The following CLASP1 variants were observed in gnomAD, a reference collection of about 807,000 sequenced individuals.
The protein encoded by CLASP1 is CLIP-associating protein 1.
A neutral mutation model predicts 192.3 loss-of-function variants in CLASP1; 38 were observed. That is an observed-to-expected ratio of 0.20 (90% confidence interval 0.15 to 0.26). The LOEUF (loss-of-function observed/expected upper bound fraction) is 0.26. Ranked by LOEUF, CLASP1 falls within the 10% of genes least tolerant of loss-of-function variation. The pLI, the probability that CLASP1 is intolerant of heterozygous loss-of-function variation, is 1.00. For missense variants in CLASP1, 1,433 were observed against 1,932.5 expected, an observed-to-expected ratio of 0.74 and a Z score of 4.85; for synonymous variants, 691 against 712.8, an observed-to-expected ratio of 0.97 and a Z score of 0.49.
intron 8 of CLASP1, among the ~76,000 whole-genome samples, chr2:121,486,504 C>T (rs950265875): frequency 2.0e-5 from 3 of 152,054 alleles, no homozygotes; most frequent in African/African-American, 4.8e-5. Flanking sequence ...TTTTACCTTC[C>T]AACTTGCCCT....
intron 8 of CLASP1, among the ~76,000 whole-genome samples, chr2:121,490,590 AAG>A (rs1296920544): frequency 1.3e-5 from 2 of 152,210 alleles, no homozygotes; most frequent in Non-Finnish European, 2.9e-5. Context: ...CCTCAAGAAA[AAG>A]AATATTCCTA....
chr2:121,529,970 G>A (rs2104735641), intron 3 of CLASP1, among the ~76,000 whole-genome samples: 1 of 152,318 alleles, frequency 6.6e-6, no homozygotes, highest in Non-Finnish European at 1.5e-5. Flanking sequence ...AGTGAAGCCA[G>A]TACAAAGGTA....
intron 19 of CLASP1, among the ~76,000 whole-genome samples, chr2:121,435,436 G>A (rs890105862): frequency 2.6e-5 from 4 of 152,058 alleles, no homozygotes; most frequent in Non-Finnish European, 5.9e-5. Context: ...CACCACGACC[G>A]GCTAATTTTG....
chr2:121,580,358 A>G (rs770471169), intron 2 of CLASP1, among the ~76,000 whole-genome samples: 10 of 152,234 alleles, frequency 6.6e-5, no homozygotes, highest in Non-Finnish European at 1.3e-4. Flanking sequence ...TTGTAGAAGA[A>G]AATTTTAAAA....
intron 33 of CLASP1, among the ~76,000 whole-genome samples, chr2:121,379,058 G>A (rs2070977911): frequency 6.6e-6 from 1 of 151,714 alleles, no homozygotes; most frequent in Admixed American, 6.6e-5. Flanking sequence ...CTGGCTTGAT[G>A]TAGCAATGAT....
chr2:121,616,403 C>T (rs1477843791), intron 1 of CLASP1, among the ~76,000 whole-genome samples: 2 of 152,002 alleles, frequency 1.3e-5, no homozygotes, highest in African/African-American at 4.8e-5. Context: ...GCAGAGATTG[C>T]ACCATTGCAC....
At chr2:121,649,051 G>T (rs1233919944) in intron 1 of CLASP1, among the ~76,000 whole-genome samples, 5 of 152,188 alleles carry the variant, frequency 3.3e-5, no homozygotes, top group African/African-American at 9.7e-5. Context: ...GGAGACTCGG[G>T]TTAGGAAGGG....
chr2:121,377,736 G>A (rs2070592545), intron 33 of CLASP1, 87 bp from the exon 35 acceptor site: 1 of 912,780 alleles, frequency 1.1e-6, no homozygotes, highest in Middle Eastern at 3.4e-4. Flanking sequence ...ACAATTTAAA[G>A]AATAAGACAT....
At chr2:121,412,319 G>A (rs1014072698) in intron 23 of CLASP1, among the ~76,000 whole-genome samples, 1 of 151,934 alleles carries the variant, frequency 6.6e-6, no homozygotes, top group African/African-American at 2.4e-5. Context: ...CTTTCCAACT[G>A]TCATCTTAAC....
intron 8 of CLASP1, among the ~76,000 whole-genome samples, chr2:121,495,781 G>GA (rs763495960): frequency 6.6e-6 from 1 of 152,060 alleles, no homozygotes; most frequent in Non-Finnish European, 1.5e-5. Context: ...TCTTTTTATT[G>GA]AAAAAATGAA....
At chr2:121,608,217 A>T (rs2064712385) in intron 1 of CLASP1, among the ~76,000 whole-genome samples, 1 of 152,206 alleles carries the variant, frequency 6.6e-6, no homozygotes, top group Non-Finnish European at 1.5e-5. Context: ...ACGATACGGG[A>T]AAACTTAAGA....
chr2:121,487,494 T>C (rs2093050942), intron 8 of CLASP1, among the ~76,000 whole-genome samples: 1 of 152,224 alleles, frequency 6.6e-6, no homozygotes, highest in African/African-American at 2.4e-5. Flanking sequence ...CAGGATCCCA[T>C]TCAGGACACC....
intron 2 of CLASP1, among the ~76,000 whole-genome samples, chr2:121,531,179 CACCCCTTTAACTTT>C (rs1163185661): frequency 1.3e-5 from 2 of 152,100 alleles, no homozygotes; most frequent in African/African-American, 4.8e-5. Context: ...AACAGAACTT[CACCCCTTTAACTTT>C]ACGCCGATCA....
chr2:121,593,068 G>C (rs1344000415), intron 2 of CLASP1, among the ~76,000 whole-genome samples: 1 of 152,166 alleles, frequency 6.6e-6, no homozygotes, highest in Non-Finnish European at 1.5e-5. Flanking sequence ...TAATTAGAAA[G>C]AGGGGAAAAA....
At chr2:121,341,939 A>T (rs1352481048) in intron 39 of CLASP1, among the ~76,000 whole-genome samples, 1 of 152,234 alleles carries the variant, frequency 6.6e-6, no homozygotes, top group Non-Finnish European at 1.5e-5. Flanking sequence ...TCACAAATTA[A>T]GTTTAAATAG....
intron 1 of CLASP1, among the ~76,000 whole-genome samples, chr2:121,637,885 C>CA (rs1215351109): frequency 1.6e-3 from 200 of 126,648 alleles, no homozygotes; most frequent in African/African-American, 5.0e-3. Context: ...GACTCCATCT[C>CA]AAAAAAAAAA....
Position 121,609,758 on chromosome 2 carries a change from T to C in CLASP1, c.-285-3578A>G, listed in dbSNP as rs1179168250. On this transcript the variant is annotated intron_variant, in intron 1 of 39. Transcript: ENST00000263710. ...GAGATGGAGACCAGCCTGGCCAACA[T>C]GGTGAAACCCTGTCTCTACTAAAAA... Among the ~76,000 whole-genome samples the C allele has an allele frequency of 2.6e-5, 4 of 152,088 alleles. No homozygotes were observed. In the East Asian group the frequency reaches 5.8e-4, roughly 22 times the overall value.
chr2:121,619,321 C>T (rs997400656), intron 1 of CLASP1, among the ~76,000 whole-genome samples: 1 of 152,134 alleles, frequency 6.6e-6, no homozygotes, highest in African/African-American at 2.4e-5. Context: ...ATGATGAATA[C>T]ATATTACTTT....
chr2:121,592,463 T>G (rs922099872), intron 2 of CLASP1, among the ~76,000 whole-genome samples: 1 of 152,226 alleles, frequency 6.6e-6, no homozygotes, highest in Admixed American at 6.5e-5. Flanking sequence ...AAGCAGTTCC[T>G]TTTTGTGATA....
Sources: gnomAD v4.1 joint callset for allele counts (sites outside exome capture counted in the v4.1 genomes callset) on GRCh38, gnomAD v4.1.1 for gene constraint, MANE v1.5 for transcripts, NCBI Gene and HGNC (gene_info 2026-07-23, HGNC 2026-07-21) for gene names.